Variants in ZEB1 observed in about 807,000 individuals in gnomAD.
The protein encoded by ZEB1 is zinc finger E-box binding homeobox 1.
A neutral mutation model predicts 84.9 loss-of-function variants in ZEB1; 21 were observed. The observed-to-expected ratio is 0.25, with a 90% CI of 0.18 to 0.36. The LOEUF is 0.36. Ranked by LOEUF, ZEB1 falls within the 10% of genes least tolerant of loss-of-function variation. The pLI is 1.00. For missense variants in ZEB1, 1,104 were observed against 1,330.2 expected (o/e 0.83, Z 2.65); for synonymous variants, 420 against 471.1 (o/e 0.89, Z 1.41).
At chr10:31,390,025 A>G (rs774693590) in intron 1 of ZEB1, among the ~76,000 whole-genome samples, 14 of 152,166 alleles carry the variant, frequency 9.2e-5, no homozygotes, top group Non-Finnish European at 1.9e-4. Flanking sequence ...TGACCCTGCG[A>G]ACTCCCCTTG....
chr10:31,344,235 T>G (rs1175166756), intron 1 of ZEB1, among the ~76,000 whole-genome samples: 1 of 152,112 alleles, frequency 6.6e-6, no homozygotes, highest in East Asian at 1.9e-4. Flanking sequence ...AAAATCTCAC[T>G]TTTTAAAGTC....
chr10:31,331,322 G>A (rs907445050), intron 1 of ZEB1, among the ~76,000 whole-genome samples: 1 of 151,900 alleles, frequency 6.6e-6, no homozygotes, highest in East Asian at 1.9e-4. Flanking sequence ...TCCTGACATC[G>A]TGATCTGCCT....
At chr10:31,517,404 C>A (rs2071355444) in intron 6 of ZEB1, among the ~76,000 whole-genome samples, 1 of 151,802 alleles carries the variant, frequency 6.6e-6, no homozygotes, top group South Asian at 2.1e-4. Context: ...CTGCATATGG[C>A]TGTGGTCCAC....
intron 1 of ZEB1, among the ~76,000 whole-genome samples, chr10:31,348,362 GAGACCAGCC>G (rs2040696614): frequency 6.6e-6 from 1 of 152,082 alleles, no homozygotes; most frequent in Non-Finnish European, 1.5e-5. Flanking sequence ...TCAGGAGTCT[GAGACCAGCC>G]TTGCCAACAT....
chr10:31,332,609 C>T (rs987739824), intron 1 of ZEB1, among the ~76,000 whole-genome samples: 1 of 152,106 alleles, frequency 6.6e-6, no homozygotes, highest in Admixed American at 6.5e-5. Flanking sequence ...TTCAGAATAG[C>T]TGTAATTCAG....
At chr10:31,441,015 C>G (rs1186550458) in intron 1 of ZEB1, among the ~76,000 whole-genome samples, 2 of 152,164 alleles carry the variant, frequency 1.3e-5, no homozygotes, top group South Asian at 2.1e-4. Flanking sequence ...CCATCCCCAT[C>G]AAGCTACCAA....
chr10:31,395,785 A>G (rs965683128), intron 1 of ZEB1, among the ~76,000 whole-genome samples: 1 of 152,210 alleles, frequency 6.6e-6, no homozygotes, highest in African/African-American at 2.4e-5. Flanking sequence ...ATTTTATGTG[A>G]AGATAACTAA....
intron 2 of ZEB1, among the ~76,000 whole-genome samples, chr10:31,475,687 A>G (rs1045789801): frequency 1.3e-5 from 2 of 152,166 alleles, no homozygotes; most frequent in Non-Finnish European, 2.9e-5. Context: ...ATCCTGCCAA[A>G]CTAAGCTTCA....
At position 31,379,713 on chromosome 10, in the gene ZEB1, T is replaced by TA. The variant is rs35883303; in HGVS notation, c.58+60433dup. 1.0e-3 allele frequency among the ~76,000 whole-genome samples: 148 copies of TA among 144,470 alleles called. 1 individual carries two copies. The highest frequency in any genetic ancestry group is 7.1e-3 in the Middle Eastern group (2 of 280). 94.8% of individuals were successfully genotyped at this position (144,470 alleles called of 152,430 possible). ...TAGATGATGTTCCAAAGGCTTGAAT[T>TA]AAAAAAAAAAAACCTTAGTGTAAAA... On this transcript the variant is annotated intron_variant, in intron 1 of 8. Coordinates refer to ENST00000424869, the MANE Select transcript of ZEB1 (RefSeq NM_001174096.2).
At chr10:31,407,229 A>C (rs1378648426) in intron 1 of ZEB1, among the ~76,000 whole-genome samples, 1 of 140,920 alleles carries the variant, frequency 7.1e-6, no homozygotes, top group South Asian at 2.5e-4. Flanking sequence ...ATATCTCCCA[A>C]TGCTATCCCT....
chr10:31,461,721 CA>C (rs2061844479), intron 2 of ZEB1, among the ~76,000 whole-genome samples: 1 of 151,986 alleles, frequency 6.6e-6, no homozygotes, highest in Admixed American at 6.6e-5. Context: ...TACTTTTACT[CA>C]AAGTATGGCT....
intron 5 of ZEB1, among the ~76,000 whole-genome samples, chr10:31,513,504 T>G (rs2070481259): frequency 6.6e-6 from 1 of 152,192 alleles, no homozygotes; most frequent in African/African-American, 2.4e-5. Context: ...GATACAAATG[T>G]GGGAGTCGCC....
chr10:31,352,122 T>TA (rs1465224052), intron 1 of ZEB1, among the ~76,000 whole-genome samples: 6 of 152,174 alleles, frequency 3.9e-5, no homozygotes, highest in African/African-American at 1.4e-4. Flanking sequence ...TTTATTCTGT[T>TA]ACCTATTTGC....
intron 2 of ZEB1, among the ~76,000 whole-genome samples, chr10:31,485,344 A>C (rs1266722166): frequency 6.6e-6 from 1 of 151,876 alleles, no homozygotes; most frequent in African/African-American, 2.4e-5. Flanking sequence ...TGTGGAAACT[A>C]AGGACTAACT....
intron 1 of ZEB1, among the ~76,000 whole-genome samples, chr10:31,366,894 G>C (rs2044615017): frequency 6.6e-6 from 1 of 152,182 alleles, no homozygotes; most frequent in Admixed American, 6.5e-5. Flanking sequence ...TTCCAGGAAA[G>C]TTTAATGTCT....
intron 1 of ZEB1, among the ~76,000 whole-genome samples, chr10:31,404,684 A>C (rs760275390): frequency 6.6e-5 from 10 of 152,186 alleles, no homozygotes; most frequent in Non-Finnish European, 1.0e-4. Context: ...GAGGTACTGC[A>C]TTAAACTGTG....
At position 31,373,427 on chromosome 10, in the gene ZEB1, G is replaced by T. The variant is rs528173132; in HGVS notation, c.58+54135G>T. ...AAATCAATTATATAGTTCATGTCTG[G>T]TTTAAAAATTCAATTTTTGTAGTTT... On this transcript the variant is annotated intron_variant, in intron 1 of 8. Coordinates refer to ENST00000424869, the MANE Select transcript of ZEB1 (RefSeq NM_001174096.2). Among the ~76,000 whole-genome samples the T allele has an allele frequency of 3.3e-5, 5 of 151,742 alleles. No homozygotes were observed. The East Asian group carries it at 9.7e-4, about 29-fold the overall frequency.
At chr10:31,416,246 C>G (rs1340047048) in intron 1 of ZEB1, among the ~76,000 whole-genome samples, 2 of 151,900 alleles carry the variant, frequency 1.3e-5, no homozygotes, top group African/African-American at 2.4e-5. Flanking sequence ...CGATTTAGTT[C>G]TAAATATATT....
chr10:31,474,493 A>T (rs1423923902), intron 2 of ZEB1, among the ~76,000 whole-genome samples: 2 of 152,340 alleles, frequency 1.3e-5, no homozygotes, highest in East Asian at 3.9e-4. Context: ...GAGAAAGGCA[A>T]ATCAAAACCA....
Sources: allele counts gnomAD v4.1 joint callset (sites outside exome capture counted in the v4.1 genomes callset), GRCh38; gene constraint gnomAD v4.1.1; transcripts MANE v1.5; gene names NCBI Gene and HGNC (gene_info 2026-07-23, HGNC 2026-07-21).